The following MYH11 variants were observed in gnomAD, a reference collection of about 807,000 sequenced individuals.
The protein encoded by MYH11 is myosin-11.
Under a neutral mutation model 246.6 loss-of-function variants are expected in MYH11, and 80 were observed. The ratio of observed to expected loss-of-function variants is 0.32; its 90% CI spans 0.27 to 0.39. MYH11 has a LOEUF of 0.39. Among genes scored for constraint, MYH11 ranks in the 10% least tolerant of loss-of-function variants. The probability of loss-of-function intolerance (pLI) is 1.00; values close to 1 mark genes in which losing one functional copy is unlikely to be tolerated. For synonymous variants in MYH11, 1,071 were observed against 1,015.5 expected (o/e 1.05, Z -1.04); for missense variants, 2,158 against 2,546.8 (o/e 0.85, Z 3.29).
At position 15,726,093 on chromosome 16, in the gene MYH11, A is replaced by G. The variant is rs1230417638; in HGVS notation, c.3858+755T>C. 4.6e-5 allele frequency: 8 copies of G among 175,580 alleles called. No individual in the cohort carries two copies. The East Asian group carries it at 1.2e-3, about 26-fold the overall frequency. The allele number at this position is 175,580 out of a possible 1,614,324, so 10.9% of individuals were successfully genotyped here. On this transcript the variant is annotated intron_variant, in intron 28 of 40. Coordinates refer to ENST00000300036, the MANE Select transcript of MYH11 (RefSeq NM_002474.3). ...TAGACTTATCCATGCTCCTTAGGGA[A>G]GCCTTTCGTGGCTCCTCCTCCCCCA... is the stretch of plus-strand genomic sequence containing the variant.
chr16:15,738,822 A>C, intron 23 of MYH11, 134 bp from the exon 24 acceptor site: 1 of 1,076,354 alleles, frequency 9.3e-7, no homozygotes, highest in Non-Finnish European at 1.3e-6. Flanking sequence ...TAGAGTTTTA[A>C]ATGGTAAAGA....
intron 7 of MYH11, among the ~76,000 whole-genome samples, chr16:15,777,932 C>T (rs2042261326): frequency 6.6e-6 from 1 of 152,174 alleles, no homozygotes; most frequent in Non-Finnish European, 1.5e-5. Context: ...AGCTACTCCA[C>T]AACCCACCCT....
chr16:15,838,109 G>T lies in MYH11; in HGVS notation c.144C>A (p.Ala48=), dbSNP rs1181191483. The change falls in exon 2 of 41, where the codon GCC becomes GCA. Residue 48 remains alanine, a synonymous_variant. Coordinates refer to ENST00000300036, the MANE Select transcript of MYH11 (RefSeq NM_002474.3). ...CATCCCCCTTCTCCTCCTTAATGCT[G>T]GCTGCCTCGAAGCCCTGCTTCTCCG... ...VPSEKQGFEA[A]SIKEEKGDEV... 6.2e-7 allele frequency: 1 copy of T among 1,613,924 alleles called. No individual in the cohort carries two copies. The highest frequency in any genetic ancestry group is 1.3e-5 in the African/African-American group (1 of 74,860).
intron 27 of MYH11, among the ~76,000 whole-genome samples, chr16:15,728,758 G>T (rs917912000): frequency 2.0e-5 from 3 of 151,912 alleles, no homozygotes; most frequent in African/African-American, 2.4e-5. Flanking sequence ...AAATTAGCCG[G>T]GCATGGTGGC....
intron 26 of MYH11, among the ~76,000 whole-genome samples, chr16:15,734,823 A>T (rs1049839448): frequency 6.6e-6 from 1 of 152,140 alleles, no homozygotes; most frequent in African/African-American, 2.4e-5. Flanking sequence ...TTTTCTTCCA[A>T]TGTGGCCAAG....
In MYH11 at chr16:15,737,633, A is replaced by G; in HGVS notation, c.3122-13T>C. On this transcript the variant is annotated splice_polypyrimidine_tract_variant and intron_variant, in intron 24 of 40. Transcript: ENST00000300036. ...TTCTTTAGCCGCACTGCAAAAACCA[A>G]GGTGCTCTTCAGGAAGGGGAGGCCC... The G allele has an allele frequency of 6.2e-7, 1 of 1,610,406 alleles. No homozygotes were observed.
chr16:15,750,337 G>A lies in MYH11; in HGVS notation c.1865-6C>T. On this transcript the variant is annotated splice_region_variant and splice_polypyrimidine_tract_variant and intron_variant, in intron 15 of 40. Coordinates refer to ENST00000300036, the MANE Select transcript of MYH11 (RefSeq NM_002474.3). This position sits in a 1 kb window ranked among gnomAD's most constrained non-coding sequence, Gnocchi z 4.3. Reference sequence around the variant, plus strand: ...CAGGCCCACGATGCGGTCCACTATGGGGCACAGCCAGGGTGGCATCAGCCT... The same window carrying A: ...CAGGCCCACGATGCGGTCCACTATGAGGCACAGCCAGGGTGGCATCAGCCT... The A allele has an allele frequency of 1.3e-6, 2 of 1,591,326 alleles. No homozygotes were observed. Among genetic ancestry groups the A allele is most frequent in the Non-Finnish European group, 1.7e-6 (2 of 1,170,566 alleles).
chr16:15,776,142 G>T lies in MYH11; in HGVS notation c.825C>A (p.Ala275=). Residue 275 remains alanine (A), a synonymous_variant, in exon 8 of 41, where the codon GCC becomes GCA. Transcript: ENST00000300036. ...LLEKSRAIRQ[A]RDERTFHIFY... Reference sequence around the variant, plus strand: ...AGATGTGGAATGTCCTCTCGTCTCTGGCTTGGCGAATTGCCCGTGATTTTT... The same window carrying T: ...AGATGTGGAATGTCCTCTCGTCTCTTGCTTGGCGAATTGCCCGTGATTTTT... The T allele has an allele frequency of 6.2e-7, 1 of 1,614,138 alleles. No homozygotes were observed. The highest frequency in any genetic ancestry group is 8.5e-7 in the Non-Finnish European group (1 of 1,179,996).
chr16:15,784,453 G>A (rs2042422156), intron 5 of MYH11, among the ~76,000 whole-genome samples: 1 of 152,126 alleles, frequency 6.6e-6, no homozygotes, highest in South Asian at 2.1e-4. Context: ...TTTCAGGCTG[G>A]AGCGCAACCC....
chr16:15,855,680 CA>C (rs1323833739), intron 1 of MYH11, among the ~76,000 whole-genome samples: 6 of 152,194 alleles, frequency 3.9e-5, no homozygotes, highest in African/African-American at 9.7e-5. Context: ...AAAGGGAAAA[CA>C]TCAATTTCCT....
Position 15,834,922 on chromosome 16 carries a change from T to TTA in MYH11, c.345+2985_345+2986insTA, listed in dbSNP as rs1555458800. ...CAGTCTCTACAGAAGTTTTTTTTTT[T>TTA]TTTTTTAATTAGCCAGGTGTGGTGG... On this transcript the variant is annotated intron_variant, in intron 2 of 40. Transcript: ENST00000300036. Among the ~76,000 whole-genome samples, 4 of 150,606 alleles carry TTA rather than the reference T, an allele frequency of 2.7e-5. No individual in the cohort carries two copies. In the East Asian group the frequency reaches 7.8e-4, roughly 30 times the overall value.
At chr16:15,745,848 A>G (rs2041405226) in intron 19 of MYH11, among the ~76,000 whole-genome samples, 1 of 151,862 alleles carries the variant, frequency 6.6e-6, no homozygotes, top group African/African-American at 2.4e-5. Context: ...TGGCCTCCCA[A>G]AGTGCTGGGA....
intron 26 of MYH11, among the ~76,000 whole-genome samples, chr16:15,734,861 T>A (rs1596752231): frequency 6.6e-6 from 1 of 152,128 alleles, no homozygotes; most frequent in African/African-American, 2.4e-5. Context: ...ACATCCCTGG[T>A]ATATACTACT....
intron 9 of MYH11, among the ~76,000 whole-genome samples, chr16:15,764,723 C>T (rs2041943794): frequency 6.6e-6 from 1 of 152,164 alleles, no homozygotes; most frequent in South Asian, 2.1e-4. Flanking sequence ...ATTCTAGTTA[C>T]ACAGACGTGT....
In MYH11 at chr16:15,758,012, G is replaced by C. The variant is rs769036516; in HGVS notation, c.1402-12C>G. 2.4e-5 allele frequency: 38 copies of C among 1,613,162 alleles called. No individual in the cohort carries two copies. Among genetic ancestry groups the C allele is most frequent in the Non-Finnish European group, 3.1e-5 (36 of 1,180,026 alleles). ...TCGAAGGAGTTCACCTGAGCACATGGCGTGGGGGCGGGGCGTGAGCATCTT... is the reference window on the plus strand; with the variant it reads ...TCGAAGGAGTTCACCTGAGCACATGCCGTGGGGGCGGGGCGTGAGCATCTT... On this transcript the variant is annotated splice_polypyrimidine_tract_variant and intron_variant, in intron 12 of 40. Transcript: ENST00000300036.
chr16:15,711,818 T>C (rs1451283645), intron 40 of MYH11, among the ~76,000 whole-genome samples: 1 of 152,022 alleles, frequency 6.6e-6, no homozygotes, highest in Non-Finnish European at 1.5e-5. Context: ...TCAGCCTCCC[T>C]AGTAGCTGGG....
chr16:15,829,215 A>G (rs2043660689), intron 2 of MYH11, among the ~76,000 whole-genome samples: 1 of 152,058 alleles, frequency 6.6e-6, no homozygotes, highest in South Asian at 2.1e-4. Flanking sequence ...ATGAATTTTT[A>G]AAAAGAAGGA....
chr16:15,753,267 A>G (rs2041621766), intron 15 of MYH11, 127 bp downstream of exon 15: 5 of 821,220 alleles, frequency 6.1e-6, no homozygotes, highest in South Asian at 5.7e-5. Context: ...GCCCATGCCA[A>G]TGCTCTTCCT....
At chr16:15,845,594 TA>T (rs536803936) in intron 1 of MYH11, among the ~76,000 whole-genome samples, 42 of 152,304 alleles carry the variant, frequency 2.8e-4, no homozygotes, top group Middle Eastern at 3.4e-3. Flanking sequence ...TTTAATAGTA[TA>T]ACCAAGGTTA....
Sources: gnomAD v4.1 joint callset for allele counts (sites outside exome capture counted in the v4.1 genomes callset) on GRCh38, gnomAD v4.1.1 for gene constraint, Gnocchi (gnomAD v3.1) non-coding constraint, MANE v1.5 for transcripts, NCBI Gene and HGNC (gene_info 2026-07-23, HGNC 2026-07-21) for gene names.